Variants in IGSF10 observed in about 807,000 individuals in gnomAD.
IGSF10 encodes the protein calvaria mechanical force protein 608.
Under a neutral mutation model 128.2 loss-of-function variants are expected in IGSF10, and 126 were observed. That is an observed-to-expected ratio of 0.98 (90% CI 0.85 to 1.14). The LOEUF is 1.14. IGSF10 is among the 50% of genes most tolerant of loss of function. The pLI is 0.00. For missense variants in IGSF10, 3,295 were observed against 3,149.8 expected (o/e 1.05, Z -1.10); for synonymous variants, 1,185 against 1,146.2 (o/e 1.03, Z -0.68).
the IGSF10 span, among the ~76,000 whole-genome samples, chr3:151,594,401 T>C: frequency 1.3e-5 from 2 of 150,976 alleles, no homozygotes; most frequent in African/African-American, 4.9e-5. Context: ...TGGCGCAATC[T>C]TGGCTCACTG....
chr3:151,456,683 T>C (rs868427416), intron 4 of IGSF10, among the ~76,000 whole-genome samples: 3 of 152,228 alleles, frequency 2.0e-5, no homozygotes, highest in Admixed American at 1.3e-4. Flanking sequence ...AAAACTATTA[T>C]CTGTCTAAGA....
chr3:151,535,660 T>C, the IGSF10 span, among the ~76,000 whole-genome samples: 1 of 152,150 alleles, frequency 6.6e-6, no homozygotes, highest in Non-Finnish European at 1.5e-5. Context: ...GAATTTACAA[T>C]AAATTACATA....
chr3:151,479,315 A>C, the IGSF10 span, among the ~76,000 whole-genome samples: 1 of 152,194 alleles, frequency 6.6e-6, no homozygotes, highest in Admixed American at 6.5e-5. Flanking sequence ...ACATATTGAA[A>C]ACAAATGTTT....
chr3:151,612,357 G>A, the IGSF10 span, among the ~76,000 whole-genome samples: 1 of 152,126 alleles, frequency 6.6e-6, no homozygotes, highest in African/African-American at 2.4e-5. Context: ...TAATCATAAA[G>A]GACGTCTCAT....
At chr3:151,492,306 T>A in the IGSF10 span, among the ~76,000 whole-genome samples, 3 of 152,120 alleles carry the variant, frequency 2.0e-5, no homozygotes, top group East Asian at 5.8e-4. Context: ...AAAACCCCTG[T>A]GTCATCTCAC....
chr3:151,567,097 G>A, the IGSF10 span, among the ~76,000 whole-genome samples: 1 of 152,186 alleles, frequency 6.6e-6, no homozygotes, highest in Non-Finnish European at 1.5e-5. Context: ...AAATGGGTCT[G>A]TAGACTTGGG....
chr3:151,586,918 A>C, the IGSF10 span, among the ~76,000 whole-genome samples: 1 of 152,236 alleles, frequency 6.6e-6, no homozygotes, highest in East Asian at 1.9e-4. Context: ...TAGCAAAGGA[A>C]ATGCAATAAC....
intron 7 of IGSF10, 53 bp downstream of exon 7, chr3:151,442,931 T>C: frequency 6.7e-7 from 1 of 1,493,728 alleles, no homozygotes; most frequent in South Asian, 1.3e-5. Flanking sequence ...TTTCAGAAGT[T>C]GTACAGCTAA....
the IGSF10 span, among the ~76,000 whole-genome samples, chr3:151,518,184 T>C: frequency 2.5e-3 from 379 of 152,118 alleles, no homozygotes; most frequent in Non-Finnish European, 4.2e-3. Context: ...TGTAGTCAAC[T>C]CTTGTGCCAA....
At chr3:151,478,654 G>A in the IGSF10 span, among the ~76,000 whole-genome samples, 3 of 152,198 alleles carry the variant, frequency 2.0e-5, no homozygotes, top group Non-Finnish European at 4.4e-5. Context: ...AGAAAAGAGA[G>A]AATTTACTTC....
At chr3:151,508,329 T>C in the IGSF10 span, among the ~76,000 whole-genome samples, 2 of 152,182 alleles carry the variant, frequency 1.3e-5, no homozygotes, top group Non-Finnish European at 2.9e-5. Context: ...AAATTAGTTT[T>C]AGTATTGATA....
Position 151,449,384 on chromosome 3 carries a change from G to A in IGSF10, c.716-119C>T, listed in dbSNP as rs774903088. Reference sequence around the variant, plus strand: ...AATTTGGAAATTTTAGTGTTCAATGGAAAGTTTTCTGATTTTTTGCTTCTG... The same window carrying A: ...AATTTGGAAATTTTAGTGTTCAATGAAAAGTTTTCTGATTTTTTGCTTCTG... On this transcript the variant is annotated intron_variant, in intron 5 of 7. Coordinates refer to ENST00000282466, the MANE Select transcript of IGSF10 (RefSeq NM_178822.5). 3 of 1,004,350 alleles carry A rather than the reference G, an allele frequency of 3.0e-6. No homozygotes were observed. The South Asian group carries it at 5.6e-5, about 19-fold the overall frequency. The allele number at this position is 1,004,350 out of a possible 1,614,324, so 62.2% of individuals were successfully genotyped here.
Position 151,448,279 on chromosome 3 carries a change from C to CA in IGSF10, c.1701dup (p.Val568CysfsTer22). ...TAGGCTTCGACCAAAGGTTCTACCA[C>CA]AGTTATCCTATAGGTGAGAATATCT... On this transcript the variant is annotated frameshift_variant, in exon 6 of 8. Transcript: ENST00000282466. LOFTEE classifies it high-confidence loss of function. 6.2e-7 allele frequency: 1 copy of CA among 1,614,230 alleles called. No individual in the cohort carries two copies. The highest frequency in any genetic ancestry group is 8.5e-7 in the Non-Finnish European group (1 of 1,180,040).
chr3:151,522,297 G>T, the IGSF10 span, among the ~76,000 whole-genome samples: 1 of 152,028 alleles, frequency 6.6e-6, no homozygotes, highest in Non-Finnish European at 1.5e-5. Context: ...TACAGAAACT[G>T]CTCCAAAACA....
chr3:151,588,982 G>A, the IGSF10 span, among the ~76,000 whole-genome samples: 1 of 151,956 alleles, frequency 6.6e-6, no homozygotes, highest in African/African-American at 2.4e-5. Context: ...TAAAGAAGAA[G>A]TATTATAGCA....
chr3:151,456,913 T>C (rs2108574836), intron 4 of IGSF10, 113 bp downstream of exon 4: 2 of 1,032,196 alleles, frequency 1.9e-6, no homozygotes, highest in Non-Finnish European at 2.9e-6. Context: ...CGTCTGCTTC[T>C]AATTTACAGA....
chr3:151,435,295 T>C (rs981068807), downstream of IGSF10: 1 of 152,110 alleles, frequency 6.6e-6, no homozygotes, highest in African/African-American at 2.4e-5. Context: ...CCATAGACTC[T>C]CTTGTTTACA....
At chr3:151,540,147 T>C in the IGSF10 span, among the ~76,000 whole-genome samples, 621 of 152,302 alleles carry the variant, frequency 4.1e-3, 3 homozygotes, top group Non-Finnish European at 4.1e-3. Context: ...ATAATTTAAA[T>C]TTTTTAATAG....
At chr3:151,618,918 A>T in the IGSF10 span, among the ~76,000 whole-genome samples, 1 of 151,408 alleles carries the variant, frequency 6.6e-6, no homozygotes, top group Non-Finnish European at 1.5e-5. Flanking sequence ...AGTTTTCCGA[A>T]CTTTCAGCTA....
Sources: allele counts gnomAD v4.1 joint callset (sites outside exome capture counted in the v4.1 genomes callset), GRCh38; gene constraint gnomAD v4.1.1; transcripts MANE v1.5; gene names NCBI Gene and HGNC (gene_info 2026-07-23, HGNC 2026-07-21).